TMEM35B: variants seen among roughly 807,000 people sequenced by gnomAD.
TMEM35B encodes the protein transmembrane protein 35B.
Under a neutral mutation model 8.7 loss-of-function variants are expected in TMEM35B, and 6 were observed. The observed-to-expected ratio is 0.69, with a 90% CI of 0.38 to 1.36. The LOEUF (loss-of-function observed/expected upper bound fraction) is 1.36, where lower values mean the gene tolerates loss of function less well. TMEM35B is among the 40% of genes most tolerant of loss of function. The pLI, the probability that TMEM35B is intolerant of heterozygous loss-of-function variation, is 0.02. For synonymous variants in TMEM35B, 89 were observed against 87.0 expected (o/e 1.02, Z -0.13); for missense variants, 176 against 181.6 (o/e 0.97, Z 0.18).
intron 1 of TMEM35B, 137 bp from the exon 2 acceptor site, chr1:34,984,084 G>A (rs1640536481): frequency 2.4e-6 from 2 of 839,222 alleles, no homozygotes; most frequent in Non-Finnish European, 3.3e-6. Context: ...GTCCAGGGCT[G>A]AGGTCAGCCT....
chr1:34,985,265 C>T, exon 1 of TMEM35B: 1 of 1,545,524 alleles, frequency 6.5e-7, no homozygotes, highest in Non-Finnish European at 8.7e-7. Context: ...CGCGAAGAAG[C>T]CGCCCAGCAG....
At chr1:34,983,914 G>A (rs939083056) in exon 2 of TMEM35B, 1 of 1,533,194 alleles carries the variant, frequency 6.5e-7, no homozygotes, top group Non-Finnish European at 8.8e-7. Context: ...ACCTTCAGCG[G>A]GAACACCTCA....
At position 34,982,457 on chromosome 1, in the gene TMEM35B, C is replaced by CTT. The variant is rs540924637; in HGVS notation, c.290-340_290-339dup. On this transcript the variant is annotated intron_variant, in intron 2 of 2. Coordinates refer to ENST00000373337, the Ensembl canonical transcript of TMEM35B. ...AAATCTCCCTGATCCTTCTCCTTTC[C>CTT]TTTTTTTTTTTTTTTTTTGAGGCAG... Among the ~76,000 whole-genome samples the CTT allele has an allele frequency of 2.0e-3, 255 of 129,702 alleles. 2 individuals are homozygous for CTT. Among genetic ancestry groups the CTT allele is most frequent in the African/African-American group, 6.9e-3 (229 of 33,414 alleles). 85.1% of individuals were successfully genotyped at this position (129,702 alleles called of 152,430 possible). A position where few individuals can be genotyped will look rare whatever the true frequency, so the allele number is the denominator to read the frequency against.
intron 1 of TMEM35B, 53 bp from the exon 2 acceptor site, chr1:34,984,000 C>A: frequency 7.2e-7 from 1 of 1,396,738 alleles, no homozygotes; most frequent in Middle Eastern, 1.9e-4. Context: ...AGGATGAGCT[C>A]CCCAGATGCT....
At chr1:34,983,243 C>T (rs181803547) in intron 2 of TMEM35B, among the ~76,000 whole-genome samples, 1 of 152,246 alleles carries the variant, frequency 6.6e-6, no homozygotes, top group African/African-American at 2.4e-5. Flanking sequence ...GTAGAAGGTA[C>T]ACTTAACATG....
Position 34,985,191 on chromosome 1 carries a change from C to T in TMEM35B, c.108+7G>A, listed in dbSNP as rs750794243. On this transcript the variant is annotated splice_region_variant and intron_variant, in intron 1 of 2. Transcript: ENST00000373337. ...CCGATCCCCTGCCGCCCGCCCGCGC[C>T]GCTCACCATCCGCTCCGAAACTGGA... 2 of 1,532,460 alleles carry T rather than the reference C, an allele frequency of 1.3e-6. No homozygotes were observed. Among genetic ancestry groups the T allele is most frequent in the Non-Finnish European group, 8.8e-7 (1 of 1,140,486 alleles). The allele number at this position is 1,532,460 out of a possible 1,614,324, so 94.9% of individuals were successfully genotyped here.
At chr1:34,985,224 TCTC>T (rs1299295148) in exon 1 of TMEM35B, 9 of 1,540,202 alleles carry the variant, frequency 5.8e-6, no homozygotes, top group Non-Finnish European at 7.9e-6. Context: ...GGAGCCGAGA[TCTC>T]CTCCGAGAGC....
chr1:34,983,853 A>G, exon 2 of TMEM35B: 1 of 1,546,472 alleles, frequency 6.5e-7, no homozygotes, highest in South Asian at 1.2e-5. Flanking sequence ...CAGCAGTTCC[A>G]GAAAGCCCAC....
At position 34,985,191 on chromosome 1, in the gene TMEM35B, C is replaced by G. The variant is rs750794243; in HGVS notation, c.108+7G>C. 27 of 1,532,346 alleles carry G rather than the reference C, an allele frequency of 1.8e-5. No individual in the cohort carries two copies. Among genetic ancestry groups the G allele is most frequent in the South Asian group, 1.4e-4 (12 of 82,772 alleles). The allele number at this position is 1,532,346 out of a possible 1,614,324, so 94.9% of individuals were successfully genotyped here. ...CCGATCCCCTGCCGCCCGCCCGCGC[C>G]GCTCACCATCCGCTCCGAAACTGGA... On this transcript the variant is annotated splice_region_variant and intron_variant, in intron 1 of 2. Transcript: ENST00000373337.
rs193290258 is a variant in TMEM35B at position 34,982,117 on chromosome 1, C to A, written c.292G>T (p.Ala98Ser). The A allele has an allele frequency of 2.1e-4, 322 of 1,542,012 alleles. 2 individuals carry two copies. In the African/African-American group the frequency reaches 4.0e-3, roughly 19 times the overall value. Residue 98 changes from alanine (A) to serine (S), a missense_variant and splice_region_variant, in exon 3 of 3, where the codon GCT becomes TCT. By Grantham distance (99) the Ala-to-Ser change is moderately conservative. Coordinates refer to ENST00000373337, the Ensembl canonical transcript of TMEM35B. ...TTCAGAGCTGCCAAGGTGAAGATAG[C>A]CCCTGGAATGGAAAGTGAGGTCCCT...
At chr1:34,983,654 G>T in intron 2 of TMEM35B, 113 bp downstream of exon 2, 3 of 797,848 alleles carry the variant, frequency 3.8e-6, no homozygotes, top group Non-Finnish European at 5.4e-6. Context: ...AGCAGAAAGT[G>T]CTCTTGATCC....
intron 1 of TMEM35B, 91 bp downstream of exon 1, chr1:34,985,107 A>G (rs1226316844): frequency 9.8e-7 from 1 of 1,023,126 alleles, no homozygotes; most frequent in Non-Finnish European, 1.3e-6. Flanking sequence ...GGAAGCCCGA[A>G]GGCGGCCTGC....
chr1:34,981,774 T>G, exon 3 of TMEM35B: 3 of 490,796 alleles, frequency 6.1e-6, no homozygotes, highest in Non-Finnish European at 1.0e-5. Flanking sequence ...TAACATGTAC[T>G]CCTCACAAAA....
At chr1:34,981,964 A>G in exon 3 of TMEM35B, 1 of 1,542,338 alleles carries the variant, frequency 6.5e-7, no homozygotes, top group African/African-American at 1.4e-5. Flanking sequence ...GATTCCTTGA[A>G]TGTACTTAGA....
chr1:34,984,934 T>A (rs1287307206), intron 1 of TMEM35B, among the ~76,000 whole-genome samples: 1 of 152,014 alleles, frequency 6.6e-6, no homozygotes, highest in Non-Finnish European at 1.5e-5. Context: ...GGGAGGGACC[T>A]CCTAAGGCTC....
chr1:34,982,236 C>T, intron 2 of TMEM35B, 117 bp from the exon 3 acceptor site: 1 of 805,748 alleles, frequency 1.2e-6, no homozygotes, highest in Non-Finnish European at 1.9e-6. Context: ...TTAAACACCC[C>T]CACCACTCCT....
At chr1:34,981,900 G>C (rs1640510308) in exon 3 of TMEM35B, 1 of 1,471,350 alleles carries the variant, frequency 6.8e-7, no homozygotes, top group Non-Finnish European at 9.1e-7. Context: ...GTTCTACCAT[G>C]TTCCTGCTGT....
intron 1 of TMEM35B, among the ~76,000 whole-genome samples, chr1:34,984,981 G>A (rs983278602): frequency 1.3e-5 from 2 of 151,954 alleles, no homozygotes; most frequent in African/African-American, 4.8e-5. Flanking sequence ...CTGCAGGAAG[G>A]GGAGGTTCTG....
Position 34,982,129 on chromosome 1 carries a change from A to T in TMEM35B, c.290-10T>A. The T allele has an allele frequency of 6.5e-7, 1 of 1,538,722 alleles. No homozygotes were observed. Among genetic ancestry groups the T allele is most frequent in the South Asian group, 1.2e-5 (1 of 82,362 alleles). On this transcript the variant is annotated splice_polypyrimidine_tract_variant and intron_variant, in intron 2 of 2. Coordinates refer to ENST00000373337, the Ensembl canonical transcript of TMEM35B. ...AAGGTGAAGATAGCCCCTGGAATGG[A>T]AAGTGAGGTCCCTGAGGCTCCTTGG...
Sources: allele counts gnomAD v4.1 joint callset (sites outside exome capture counted in the v4.1 genomes callset), GRCh38; gene constraint gnomAD v4.1.1; transcripts MANE v1.5; gene names NCBI Gene and HGNC (gene_info 2026-07-23, HGNC 2026-07-21).